DDAH1: variants seen among roughly 807,000 people sequenced by gnomAD.
The protein encoded by DDAH1 is dimethylarginine dimethylaminohydrolase 1, also known as N(G),N(G)-dimethylarginine dimethylaminohydrolase 1.
DDAH1 carries 19 observed loss-of-function variants against 28.8 expected under a neutral mutation model. That is an observed-to-expected ratio of 0.66 (90% CI 0.46 to 0.97). The LOEUF (loss-of-function observed/expected upper bound fraction) is 0.97, where lower values mean the gene tolerates loss of function less well. DDAH1 is among the 50% of genes least tolerant of loss of function. The pLI is 0.00. For missense variants in DDAH1, 326 were observed against 375.9 expected, an observed-to-expected ratio of 0.87 and a Z score of 1.10; for synonymous variants, 153 against 154.4, an observed-to-expected ratio of 0.99 and a Z score of 0.07.
intron 1 of DDAH1, chr1:85,404,481 T>C: frequency 6.6e-7 from 1 of 1,523,844 alleles, no homozygotes; most frequent in Non-Finnish European, 8.8e-7. Flanking sequence ...CCACCTGTGT[T>C]ACTGAAGAAC....
intron 2 of DDAH1, among the ~76,000 whole-genome samples, chr1:85,352,880 C>CTT (rs71582954): frequency 2.0e-4 from 29 of 147,478 alleles, no homozygotes; most frequent in East Asian, 5.9e-4. Flanking sequence ...ATTATACTAC[C>CTT]TTTTTTTTTT....
At position 85,485,212 on chromosome 1, in the gene DDAH1, A is replaced by G. The variant is rs184106766; in HGVS notation, c.-7+10954T>C. ...TAACAATTTTCTACAGATAATGACAATGACAACACAGAGAGACACATAAGT... is the reference window on the plus strand; with the variant it reads ...TAACAATTTTCTACAGATAATGACAGTGACAACACAGAGAGACACATAAGT... On this transcript the variant is annotated intron_variant, in intron 2 of 6. Transcript: ENST00000426972. Among the ~76,000 whole-genome samples, 18 of 152,322 alleles carry G rather than the reference A, an allele frequency of 1.2e-4. No individual in the cohort carries two copies. In the East Asian group the frequency reaches 3.3e-3, roughly 28 times the overall value.
chr1:85,328,668 C>G (rs917955019), intron 4 of DDAH1, among the ~76,000 whole-genome samples: 28 of 152,226 alleles, frequency 1.8e-4, no homozygotes, highest in Non-Finnish European at 5.9e-5. Flanking sequence ...GGAGGCAGTT[C>G]TCTGAGCCAG....
intron 1 of DDAH1, among the ~76,000 whole-genome samples, chr1:85,559,492 C>T (rs1418697300): frequency 4.6e-5 from 7 of 151,354 alleles, no homozygotes; most frequent in Non-Finnish European, 7.4e-5. Flanking sequence ...AAATGTGATC[C>T]AAAAGAGGAA....
intron 2 of DDAH1, among the ~76,000 whole-genome samples, chr1:85,357,186 T>G (rs1376302566): frequency 6.6e-6 from 1 of 152,224 alleles, no homozygotes; most frequent in African/African-American, 2.4e-5. Flanking sequence ...TGCCTGAGTC[T>G]GCTTGGGCAC....
chr1:85,475,459 G>A (rs1655765071), intron 2 of DDAH1, among the ~76,000 whole-genome samples: 1 of 152,036 alleles, frequency 6.6e-6, no homozygotes, highest in African/African-American at 2.4e-5. Context: ...ACCCATTCTA[G>A]GGTCAAACCC....
chr1:85,504,920 G>T (rs911833122), intron 1 of DDAH1, among the ~76,000 whole-genome samples: 1 of 147,666 alleles, frequency 6.8e-6, no homozygotes, highest in Non-Finnish European at 1.5e-5. Flanking sequence ...CCAGGGAGGG[G>T]TCTGGTAAGC....
At chr1:85,492,453 C>T (rs1557688511) in intron 2 of DDAH1, among the ~76,000 whole-genome samples, 1 of 152,076 alleles carries the variant, frequency 6.6e-6, no homozygotes, top group Non-Finnish European at 1.5e-5. Context: ...AAAGTGCAGC[C>T]AAGATTCTGT....
chr1:85,411,116 G>A (rs780938526), intron 1 of DDAH1, among the ~76,000 whole-genome samples: 27 of 152,278 alleles, frequency 1.8e-4, no homozygotes, highest in Non-Finnish European at 3.4e-4. Context: ...AGCTATCTTA[G>A]TCTAGCCCAC....
In DDAH1 at chr1:85,336,254, C is replaced by A. The variant is rs529738575; in HGVS notation, c.598-11371G>T. Among the ~76,000 whole-genome samples, 61 of 152,106 alleles carry A rather than the reference C, an allele frequency of 4.0e-4. 1 individual carries two copies. The highest frequency in any genetic ancestry group is 1.4e-3 in the Admixed American group (21 of 15,284). ...TTCAGGATAGATATTAGGCCCCAAACAAGTATCAACAAATGTTAAAAAATC... is the reference window on the plus strand; with the variant it reads ...TTCAGGATAGATATTAGGCCCCAAAAAAGTATCAACAAATGTTAAAAAATC... On this transcript the variant is annotated intron_variant, in intron 4 of 5. Transcript: ENST00000284031.
Position 85,456,909 on chromosome 1 carries a change from G to A in DDAH1, c.303+7834C>T, listed in dbSNP as rs141605150. Among the ~76,000 whole-genome samples the A allele has an allele frequency of 8.5e-5, 13 of 152,220 alleles. No individual in the cohort carries two copies. The East Asian group carries it at 2.5e-3, about 29-fold the overall frequency. The stretch of plus-strand genomic sequence containing the variant: ...AATCTAAATGGCAAACTCAGGAAAT[G>A]TTTAAGTTTCAGACTTAAAGTAGAC... On this transcript the variant is annotated intron_variant, in intron 1 of 5. Coordinates refer to ENST00000284031, the MANE Select transcript of DDAH1 (RefSeq NM_012137.4).
intron 1 of DDAH1, among the ~76,000 whole-genome samples, chr1:85,498,218 A>T (rs1570610650): frequency 6.6e-6 from 1 of 152,138 alleles, no homozygotes; most frequent in East Asian, 1.9e-4. Context: ...TATAGCGGTG[A>T]CTTCCCTCAA....
chr1:85,419,112 C>T (rs1653016088), intron 1 of DDAH1, among the ~76,000 whole-genome samples: 2 of 152,134 alleles, frequency 1.3e-5, no homozygotes, highest in African/African-American at 2.4e-5. Context: ...GATGTGATTG[C>T]TTTTCCTAGG....
chr1:85,550,551 T>A (rs1658754361), intron 1 of DDAH1, among the ~76,000 whole-genome samples: 1 of 152,184 alleles, frequency 6.6e-6, no homozygotes, highest in Non-Finnish European at 1.5e-5. Flanking sequence ...TCGGTATGTT[T>A]TAAAAATTGT....
intron 1 of DDAH1, among the ~76,000 whole-genome samples, chr1:85,507,457 TGTGCCACTGTACTCCAGCCTAG>T (rs1657054506): frequency 6.6e-6 from 1 of 151,930 alleles, no homozygotes; most frequent in African/African-American, 2.4e-5. Flanking sequence ...GAGCCATGTT[TGTGCCACTGTACTCCAGCCTAG>T]GTGAAAAAGT....
intron 2 of DDAH1, among the ~76,000 whole-genome samples, chr1:85,473,992 G>A (rs372928223): frequency 2.6e-5 from 4 of 152,294 alleles, no homozygotes; most frequent in East Asian, 3.9e-4. Flanking sequence ...GCACTCCAAA[G>A]TTGACATCCC....
intron 1 of DDAH1, among the ~76,000 whole-genome samples, chr1:85,430,840 G>C (rs978316314): frequency 1.3e-5 from 2 of 152,138 alleles, no homozygotes; most frequent in Admixed American, 6.6e-5. Context: ...TCTGCAAACA[G>C]AGACAATTTG....
chr1:85,501,860 G>A, intron 1 of DDAH1, among the ~76,000 whole-genome samples: 1 of 151,974 alleles, frequency 6.6e-6, no homozygotes, highest in East Asian at 1.9e-4. Flanking sequence ...CCTTCACACT[G>A]GATACTTTTG....
At chr1:85,329,001 A>C (rs1186285944) in intron 4 of DDAH1, among the ~76,000 whole-genome samples, 1 of 152,252 alleles carries the variant, frequency 6.6e-6, no homozygotes, top group African/African-American at 2.4e-5. Context: ...TCTTAGTACC[A>C]GATGAATTGA....
Sources: gnomAD v4.1 joint callset for allele counts (sites outside exome capture counted in the v4.1 genomes callset) on GRCh38, gnomAD v4.1.1 for gene constraint, MANE v1.5 for transcripts, NCBI Gene and HGNC (gene_info 2026-07-23, HGNC 2026-07-21) for gene names.